CCDC33: variants seen among roughly 807,000 people sequenced by gnomAD.
CCDC33 encodes coiled-coil domain containing 33.
Under a neutral mutation model 91.9 loss-of-function variants are expected in CCDC33, and 94 were observed. That is an observed-to-expected ratio of 1.02 (90% confidence interval 0.87 to 1.21). The LOEUF is 1.21. CCDC33 is among the 50% of genes most tolerant of loss of function. The pLI, the probability that CCDC33 is intolerant of heterozygous loss-of-function variation, is 0.00. For missense variants in CCDC33, 940 were observed against 935.5 expected, an observed-to-expected ratio of 1.00 and a Z score of -0.06; for synonymous variants, 396 against 374.5, an observed-to-expected ratio of 1.06 and a Z score of -0.66.
chr15:74,218,938 A>ACC lies in CCDC33; in HGVS notation c.675+81_675+82dup. On this transcript the variant is annotated intron_variant, in intron 2 of 2. Coordinates refer to the CCDC33 transcript ENST00000635913. This position sits in a 1 kb window ranked among gnomAD's most constrained non-coding sequence, Gnocchi z 4.8. ...CCCAGCCTCCGTGATAAGCCAGGCT[A>ACC]CCCCCTGTCCTGAGCTGAGCTGAGC... 1 of 1,184,044 alleles carries ACC rather than the reference A, an allele frequency of 8.4e-7. No homozygotes were observed. Among genetic ancestry groups the ACC allele is most frequent in the Non-Finnish European group, 1.1e-6 (1 of 935,720 alleles). The allele number at this position is 1,184,044 out of a possible 1,614,324, so 73.3% of individuals were successfully genotyped here.
chr15:74,330,608 G>T (rs780417487), intron 12 of CCDC33, 55 bp from the exon 13 acceptor site: 1 of 1,413,358 alleles, frequency 7.1e-7, no homozygotes, highest in Non-Finnish European at 1.0e-6. Context: ...TGACCATGCT[G>T]ATTTGAGCTG....
intron 11 of CCDC33, among the ~76,000 whole-genome samples, chr15:74,323,049 C>A (rs2060237954): frequency 1.3e-5 from 2 of 152,110 alleles, no homozygotes; most frequent in South Asian, 4.1e-4. Flanking sequence ...CCCTATGCAT[C>A]CCTCCCTCTT....
chr15:74,318,040 C>T (rs2060127573), intron 11 of CCDC33, among the ~76,000 whole-genome samples: 1 of 151,254 alleles, frequency 6.6e-6, no homozygotes, highest in Admixed American at 6.6e-5. Flanking sequence ...GGCCCTAAGC[C>T]ACACTGCAGC....
At chr15:74,299,397 C>T (rs2059748938) in intron 11 of CCDC33, 1 of 152,368 alleles carries the variant, frequency 6.6e-6, no homozygotes, top group Admixed American at 6.5e-5. Context: ...CCTCTGGGCT[C>T]CAGAGCCCTG....
At chr15:74,215,943 G>C (rs1227862651), upstream of CCDC33, among the ~76,000 whole-genome samples, 2 of 151,796 alleles carry the variant, frequency 1.3e-5, no homozygotes, top group African/African-American at 4.8e-5. Flanking sequence ...AGAAGGGAGA[G>C]CAAGGGGTAT....
chr15:74,304,089 G>A (rs1303014858), intron 11 of CCDC33: 1 of 152,220 alleles, frequency 6.6e-6, no homozygotes, highest in Non-Finnish European at 1.5e-5. Context: ...GCAGGTTTGT[G>A]TTCCATCTCC....
intron 2 of CCDC33, among the ~76,000 whole-genome samples, chr15:74,259,344 C>T (rs1331934037): frequency 3.9e-5 from 6 of 152,076 alleles, no homozygotes; most frequent in African/African-American, 1.2e-4. Flanking sequence ...TGCCCATCTG[C>T]GGGGTGCAGA....
chr15:74,269,940 G>A (rs1320319212), intron 5 of CCDC33, among the ~76,000 whole-genome samples: 1 of 151,768 alleles, frequency 6.6e-6, no homozygotes, highest in African/African-American at 2.4e-5. Flanking sequence ...GTGCAAATTA[G>A]CTGCCACCAC....
chr15:74,307,170 A>T (rs547440966), intron 11 of CCDC33, among the ~76,000 whole-genome samples: 1 of 152,276 alleles, frequency 6.6e-6, no homozygotes, highest in African/African-American at 2.4e-5. Flanking sequence ...GAGGGCTTGA[A>T]TCATCGATTG....
chr15:74,259,616 G>A (rs1371265406), intron 2 of CCDC33, among the ~76,000 whole-genome samples: 2 of 152,116 alleles, frequency 1.3e-5, no homozygotes, highest in African/African-American at 4.8e-5. Context: ...GGGAGGTGGG[G>A]AAAATAGTTG....
chr15:74,331,131 G>A lies in CCDC33; in HGVS notation c.1677+19G>A. ...AGAGAAGGCAGGTGGCAGAGGGGCT[G>A]CCCCCGAGGCCAACTGATGATGGCA... is the stretch of plus-strand genomic sequence containing the variant. On this transcript the variant is annotated intron_variant, in intron 14 of 18. Transcript: ENST00000398814. 4 of 1,613,274 alleles carry A rather than the reference G, an allele frequency of 2.5e-6. No individual in the cohort carries two copies. The highest frequency in any genetic ancestry group is 3.4e-6 in the Non-Finnish European group (4 of 1,179,544).
At chr15:74,235,157 C>T (rs1028272927), upstream of CCDC33, among the ~76,000 whole-genome samples, 6 of 152,214 alleles carry the variant, frequency 3.9e-5, no homozygotes, top group African/African-American at 1.4e-4. Context: ...AGCCCCAGAG[C>T]CCCAGGAGTA....
intron 7 of CCDC33, 35 bp from the exon 8 acceptor site, chr15:74,279,928 G>A (rs764639507): frequency 6.2e-7 from 1 of 1,600,090 alleles, no homozygotes; most frequent in East Asian, 2.2e-5. Context: ...GAGAAGCTGT[G>A]GCCCCCACCA....
intron 2 of CCDC33, 37 bp from the exon 3 acceptor site, chr15:74,262,403 C>A: frequency 1.2e-6 from 2 of 1,611,514 alleles, no homozygotes; most frequent in East Asian, 2.2e-5. Flanking sequence ...CAGACAGAAC[C>A]CCTCCCTTTG....
chr15:74,308,765 G>A (rs2059939202), intron 11 of CCDC33, among the ~76,000 whole-genome samples: 1 of 152,224 alleles, frequency 6.6e-6, no homozygotes, highest in South Asian at 2.1e-4. Flanking sequence ...GTGGACCCTG[G>A]GGTTGGGCTG....
Position 74,247,005 on chromosome 15 carries a change from C to T in CCDC33, c.185+2857C>T, listed in dbSNP as rs189670404. 4.3e-3 allele frequency among the ~76,000 whole-genome samples: 658 copies of T among 151,972 alleles called. 5 individuals carry two copies. Among genetic ancestry groups the T allele is most frequent in the African/African-American group, 0.015 (638 of 41,440 alleles). The stretch of plus-strand genomic sequence containing the variant: ...ACTAAAAATACAAAAATTAGCCGAG[C>T]GTGGTAGCAGGCACCTGTAATCCTA... On this transcript the variant is annotated intron_variant, in intron 2 of 18. Coordinates refer to ENST00000398814, the MANE Select transcript of CCDC33 (RefSeq NM_025055.5).
At chr15:74,296,086 G>GAGTT in intron 11 of CCDC33, 138 bp downstream of exon 11, 1 of 694,084 alleles carries the variant, frequency 1.4e-6, no homozygotes. Context: ...CTCTGCATGT[G>GAGTT]AGTTACCCCA....
chr15:74,268,432 A>G lies in CCDC33; in HGVS notation c.520A>G (p.Ile174Val). ...VRKSSFIPRY[I>V]GCNHMALEIF... ...GAAGAGCAGCTTCATACCCCGCTAC[A>G]TCGGCTGCAACCACATGGCTCTGGA... is the stretch of plus-strand genomic sequence containing the variant. The change falls in exon 5 of 19, where the codon ATC becomes GTC. Residue 174 changes from isoleucine to valine, a missense_variant. Physicochemically the swap from Ile to Val is conservative, Grantham distance 29. Coordinates refer to ENST00000398814, the MANE Select transcript of CCDC33 (RefSeq NM_025055.5). The G allele has an allele frequency of 6.3e-7, 1 of 1,583,976 alleles. No homozygotes were observed. The highest frequency in any genetic ancestry group is 8.6e-7 in the Non-Finnish European group (1 of 1,165,348).
intron 7 of CCDC33, among the ~76,000 whole-genome samples, chr15:74,274,277 A>G (rs2142450373): frequency 6.6e-6 from 1 of 152,368 alleles, no homozygotes; most frequent in Non-Finnish European, 1.5e-5. Context: ...GGGCGGGTGC[A>G]CGCACAGAAC....
Sources: allele counts gnomAD v4.1 joint callset (sites outside exome capture counted in the v4.1 genomes callset), GRCh38; gene constraint gnomAD v4.1.1; non-coding constraint Gnocchi (gnomAD v3.1); transcripts MANE v1.5; gene names NCBI Gene and HGNC (gene_info 2026-07-23, HGNC 2026-07-21).